RNF216: variants seen among roughly 807,000 people sequenced by gnomAD.
RNF216 encodes E3 ubiquitin-protein ligase RNF216.
In RNF216, 72 loss-of-function variants were observed where a neutral mutation model predicts 110.8. The observed-to-expected ratio is 0.65, with a 90% CI of 0.54 to 0.79. The LOEUF (loss-of-function observed/expected upper bound fraction) is 0.79. RNF216 is among the 30% of genes least tolerant of loss of function. The pLI, the probability that RNF216 is intolerant of heterozygous loss-of-function variation, is 0.00. For missense variants in RNF216, 1,342 were observed against 1,141.2 expected (o/e 1.18, Z -2.54); for synonymous variants, 495 against 407.5 (o/e 1.21, Z -2.59).
chr7:5,748,609 CAT>C (rs1226784989), intron 3 of RNF216, among the ~76,000 whole-genome samples: 316 of 71,210 alleles, frequency 4.4e-3, no homozygotes, highest in South Asian at 7.9e-3. Context: ...TTTTTATATA[CAT>C]ACACACACAC....
chr7:5,766,424 A>G (rs1309057905), intron 1 of RNF216, among the ~76,000 whole-genome samples: 1 of 151,784 alleles, frequency 6.6e-6, no homozygotes, highest in Non-Finnish European at 1.5e-5. Flanking sequence ...TTGGAGATGG[A>G]GTCTGTGGGA....
At chr7:5,726,324 C>T (rs1193296349) in intron 7 of RNF216, among the ~76,000 whole-genome samples, 1 of 152,128 alleles carries the variant, frequency 6.6e-6, no homozygotes, top group African/African-American at 2.4e-5. Flanking sequence ...CAGGTAAAAT[C>T]ACATGACAAT....
rs1269809901 is a variant in RNF216, at chr7:5,680,042, G to C, written c.2062-27532C>G. Among the ~76,000 whole-genome samples the C allele has an allele frequency of 6.6e-6, 1 of 152,124 alleles. No individual in the cohort carries two copies. Among genetic ancestry groups the C allele is most frequent in the African/African-American group, 2.4e-5 (1 of 41,420 alleles). On this transcript the variant is annotated intron_variant, in intron 13 of 16. Transcript: ENST00000389902. The surrounding 1 kb of genome is among the most constrained non-coding windows in gnomAD (Gnocchi z 4.3). Reference sequence around the variant, plus strand: ...AATAATCATGTGACAAGCTAAATCTGATCATTTCACTACCCTGTTTAATGA... The same window carrying C: ...AATAATCATGTGACAAGCTAAATCTCATCATTTCACTACCCTGTTTAATGA...
At chr7:5,752,825 G>T (rs764694337) in intron 3 of RNF216, 21 bp downstream of exon 3, 3 of 1,606,214 alleles carry the variant, frequency 1.9e-6, no homozygotes, top group Non-Finnish European at 2.5e-6. Context: ...ATGTCTCATT[G>T]TAAGTTTAAA....
chr7:5,725,197 G>A (rs1793674535), intron 8 of RNF216, 127 bp downstream of exon 8: 1 of 542,594 alleles, frequency 1.8e-6, no homozygotes, highest in Non-Finnish European at 3.3e-6. Flanking sequence ...GTTCCTGTCA[G>A]TCACTCCTTG....
intron 2 of RNF216, among the ~76,000 whole-genome samples, chr7:5,759,599 T>G (rs1014433619): frequency 6.6e-6 from 1 of 151,926 alleles, no homozygotes; most frequent in African/African-American, 2.4e-5. Context: ...CAGTAGGCTA[T>G]TCGTACTTAA....
chr7:5,722,440 G>A (rs1275370465), intron 8 of RNF216, among the ~76,000 whole-genome samples: 1 of 150,610 alleles, frequency 6.6e-6, no homozygotes, highest in African/African-American at 2.4e-5. Flanking sequence ...CCCAGGCAAG[G>A]GTGCAGTGGT....
intron 13 of RNF216, among the ~76,000 whole-genome samples, chr7:5,701,621 C>T (rs1791977901): frequency 6.6e-6 from 1 of 152,176 alleles, no homozygotes; most frequent in Non-Finnish European, 1.5e-5. Context: ...AGTATTCACC[C>T]TATGTCACAA....
At chr7:5,731,044 G>C (rs924601146) in intron 5 of RNF216, among the ~76,000 whole-genome samples, 2 of 152,200 alleles carry the variant, frequency 1.3e-5, no homozygotes, top group Admixed American at 1.3e-4. Flanking sequence ...TGAACATACT[G>C]ATTAAGGCAA....
intron 13 of RNF216, among the ~76,000 whole-genome samples, chr7:5,704,314 C>T (rs370006041): frequency 7.9e-5 from 12 of 152,184 alleles, no homozygotes; most frequent in African/African-American, 2.7e-4. Flanking sequence ...CTGGCAAAGA[C>T]ACTGCAATGA....
intron 1 of RNF216, among the ~76,000 whole-genome samples, chr7:5,777,135 C>G (rs1796830561): frequency 1.3e-5 from 2 of 149,160 alleles, no homozygotes; most frequent in African/African-American, 5.0e-5. Flanking sequence ...GCCCGGCCTT[C>G]CAGCAGTCTT....
intron 1 of RNF216, among the ~76,000 whole-genome samples, chr7:5,768,546 C>A (rs575369858): frequency 6.6e-6 from 1 of 152,152 alleles, no homozygotes; most frequent in Non-Finnish European, 1.5e-5. Flanking sequence ...ATTCACAAAA[C>A]AGACTGTATG....
At chr7:5,736,754 C>T (rs1296756314) in intron 5 of RNF216, among the ~76,000 whole-genome samples, 4 of 151,758 alleles carry the variant, frequency 2.6e-5, no homozygotes, top group African/African-American at 4.8e-5. Context: ...ATGTGAGGAG[C>T]GCCTCTGCCA....
In RNF216 at chr7:5,680,287, C is replaced by A; in HGVS notation, c.2062-27777G>T. The A allele has an allele frequency of 6.6e-6, 1 of 152,444 alleles. No individual in the cohort carries two copies. The allele number at this position is 152,444 out of a possible 1,614,324, so 9.4% of individuals were successfully genotyped here. A position where few individuals can be genotyped will look rare whatever the true frequency, so the allele number is the denominator to read the frequency against. On this transcript the variant is annotated intron_variant, in intron 13 of 16. Coordinates refer to ENST00000389902, the MANE Select transcript of RNF216 (RefSeq NM_207111.4). The surrounding 1 kb of genome is among the most constrained non-coding windows in gnomAD (Gnocchi z 4.3). ...ACAGGGAAGTGGTTCCTTTGTCCCC[C>A]GCCCTGCCCCCAGCTAGCTCTGTCA... is the stretch of plus-strand genomic sequence containing the variant.
chr7:5,673,585 C>G (rs1394079778), intron 13 of RNF216, among the ~76,000 whole-genome samples: 3 of 152,200 alleles, frequency 2.0e-5, no homozygotes, highest in Non-Finnish European at 2.9e-5. Context: ...GAGGCCAAGA[C>G]CACAGCCCAG....
chr7:5,754,053 T>C (rs1018603265), intron 2 of RNF216, among the ~76,000 whole-genome samples: 4 of 151,594 alleles, frequency 2.6e-5, no homozygotes, highest in African/African-American at 9.7e-5. Context: ...AGAAACGAAA[T>C]GACGCACCTC....
intron 14 of RNF216, among the ~76,000 whole-genome samples, chr7:5,648,883 T>A (rs1328305606): frequency 6.6e-6 from 1 of 152,114 alleles, no homozygotes; most frequent in Non-Finnish European, 1.5e-5. Flanking sequence ...ACAAACTAAC[T>A]GCAGTACACA....
In RNF216 at chr7:5,773,065, C is replaced by A. The variant is rs538406139; in HGVS notation, c.-70+8476G>T. Among the ~76,000 whole-genome samples, 8 of 152,206 alleles carry A rather than the reference C, an allele frequency of 5.3e-5. No individual in the cohort carries two copies. The East Asian group carries it at 1.5e-3, about 29-fold the overall frequency. On this transcript the variant is annotated intron_variant, in intron 1 of 16. Coordinates refer to ENST00000389902, the MANE Select transcript of RNF216 (RefSeq NM_207111.4). Reference sequence around the variant, plus strand: ...ACAGTGGTGGGATTACAGGCATGAGCCACCATGCCTGGCCCCAGGTATTCC... The same window carrying A: ...ACAGTGGTGGGATTACAGGCATGAGACACCATGCCTGGCCCCAGGTATTCC...
At chr7:5,636,013 C>T (rs925641453) in intron 15 of RNF216, among the ~76,000 whole-genome samples, 1 of 152,182 alleles carries the variant, frequency 6.6e-6, no homozygotes, top group Non-Finnish European at 1.5e-5. Context: ...AAGACAAACA[C>T]GGACTTTGTT....
Sources: gnomAD v4.1 joint callset for allele counts (sites outside exome capture counted in the v4.1 genomes callset) on GRCh38, gnomAD v4.1.1 for gene constraint, Gnocchi (gnomAD v3.1) non-coding constraint, MANE v1.5 for transcripts, NCBI Gene and HGNC (gene_info 2026-07-23, HGNC 2026-07-21) for gene names.